The following CCSER2 variants were observed in gnomAD, a reference collection of about 807,000 sequenced individuals.
CCSER2 encodes the protein coiled-coil serine rich protein 2.
Under a neutral mutation model 92.3 loss-of-function variants are expected in CCSER2, and 46 were observed. The ratio of observed to expected loss-of-function variants is 0.50; its 90% CI spans 0.39 to 0.64. The LOEUF is 0.64. Ranked by LOEUF, CCSER2 falls within the 30% of genes least tolerant of loss-of-function variation. CCSER2 has a pLI of 0.00. For synonymous variants in CCSER2, 433 were observed against 431.4 expected (o/e 1.00, Z -0.04); for missense variants, 1,244 against 1,238.9 (o/e 1.00, Z -0.06).
intron 1 of CCSER2, among the ~76,000 whole-genome samples, chr10:84,345,909 G>A (rs905922342): frequency 1.3e-5 from 2 of 152,144 alleles, no homozygotes; most frequent in African/African-American, 2.4e-5. Flanking sequence ...TAGAAGTTAT[G>A]TCTCCTTTGC....
chr10:84,385,037 A>G (rs1841121598), intron 3 of CCSER2, among the ~76,000 whole-genome samples: 1 of 151,788 alleles, frequency 6.6e-6, no homozygotes, highest in Non-Finnish European at 1.5e-5. Flanking sequence ...ACACACACCC[A>G]GGAATACATT....
At chr10:84,340,187 C>G (rs1395853162) in intron 1 of CCSER2, among the ~76,000 whole-genome samples, 2 of 152,202 alleles carry the variant, frequency 1.3e-5, no homozygotes, top group Admixed American at 1.3e-4. Flanking sequence ...CCTCTTCTTC[C>G]AGGAAAGCTG....
At chr10:84,415,608 TG>T in intron 3 of CCSER2, among the ~76,000 whole-genome samples, 1 of 152,308 alleles carries the variant, frequency 6.6e-6, no homozygotes, top group South Asian at 2.1e-4. Context: ...GAGACCCTGT[TG>T]GGTGATCTCA....
intron 6 of CCSER2, among the ~76,000 whole-genome samples, chr10:84,459,283 T>C (rs1457283595): frequency 6.6e-6 from 1 of 152,118 alleles, no homozygotes; most frequent in Non-Finnish European, 1.5e-5. Flanking sequence ...TCTAGTACTT[T>C]TATTATAGAT....
At chr10:84,484,379 C>A (rs2133772722) in intron 9 of CCSER2, among the ~76,000 whole-genome samples, 1 of 152,190 alleles carries the variant, frequency 6.6e-6, no homozygotes, top group Admixed American at 6.5e-5. Flanking sequence ...TCCCAAAGTG[C>A]TGGGACCACA....
At chr10:84,455,272 TTTTTCTTTTTC>T (rs368935529) in intron 6 of CCSER2, 19,955 of 141,622 alleles carry the variant, frequency 0.14, 1,279 homozygotes, top group Admixed American at 0.23. Context: ...TTTCTTTTTC[TTTTTCTTTTTC>T]TTTTTTTTTT....
At chr10:84,391,869 T>A in intron 3 of CCSER2, 1 of 1,460,200 alleles carries the variant, frequency 6.8e-7, no homozygotes, top group Non-Finnish European at 9.6e-7. Context: ...TCCAAGATTT[T>A]ATATTTTTTT....
chr10:84,367,476 A>G (rs539243923), intron 1 of CCSER2, among the ~76,000 whole-genome samples: 4 of 151,764 alleles, frequency 2.6e-5, no homozygotes, highest in South Asian at 2.1e-4. Flanking sequence ...TCGTGGGCTC[A>G]GTTGATCTTC....
At chr10:84,476,182 A>C (rs1299207558) in intron 8 of CCSER2, among the ~76,000 whole-genome samples, 2 of 152,304 alleles carry the variant, frequency 1.3e-5, no homozygotes, top group Non-Finnish European at 2.9e-5. Flanking sequence ...TAGGAATGGG[A>C]AATATGTCTC....
At chr10:84,475,651 A>G (rs78251626) in intron 8 of CCSER2, among the ~76,000 whole-genome samples, 8,857 of 152,276 alleles carry the variant, frequency 0.058, 367 homozygotes, top group Admixed American at 0.1. Context: ...GTGTGACCCC[A>G]TTATAAATCA....
At chr10:84,363,749 G>A (rs1170510769) in intron 1 of CCSER2, among the ~76,000 whole-genome samples, 2 of 152,110 alleles carry the variant, frequency 1.3e-5, no homozygotes, top group African/African-American at 4.8e-5. Flanking sequence ...TCTGACATTA[G>A]CCATTCAGTC....
At chr10:84,352,018 A>G (rs1317307322) in intron 1 of CCSER2, among the ~76,000 whole-genome samples, 1 of 152,168 alleles carries the variant, frequency 6.6e-6, no homozygotes, top group Non-Finnish European at 1.5e-5. Flanking sequence ...GGTGACTTGT[A>G]GGCTGGCCGC....
chr10:84,331,114 T>A (rs184700458), intron 1 of CCSER2, among the ~76,000 whole-genome samples: 49 of 152,350 alleles, frequency 3.2e-4, no homozygotes, highest in African/African-American at 1.1e-3. Context: ...GGTTCAACTT[T>A]AAAAATTTTA....
intron 3 of CCSER2, chr10:84,393,802 TC>T (rs1439060243): frequency 2.6e-5 from 4 of 152,332 alleles, no homozygotes; most frequent in Non-Finnish European, 4.4e-5. Flanking sequence ...TTCTAAGGTA[TC>T]ACGTGTCATA....
intron 8 of CCSER2, among the ~76,000 whole-genome samples, chr10:84,471,725 A>G (rs1208202320): frequency 6.6e-6 from 1 of 152,184 alleles, no homozygotes; most frequent in Non-Finnish European, 1.5e-5. Context: ...GAGAAAACTT[A>G]CTGCCCATTT....
chr10:84,484,358 C>G (rs1847673301), intron 9 of CCSER2, among the ~76,000 whole-genome samples: 2 of 152,026 alleles, frequency 1.3e-5, no homozygotes, highest in South Asian at 4.1e-4. Flanking sequence ...GGTGATCTGT[C>G]CGCCTCGGCC....
At chr10:84,329,298 A>G (rs1843430445) in intron 1 of CCSER2, among the ~76,000 whole-genome samples, 1 of 152,226 alleles carries the variant, frequency 6.6e-6, no homozygotes, top group Admixed American at 6.5e-5. Context: ...TTGTCTTTAG[A>G]CATGTATTTT....
chr10:84,438,543 C>A lies in CCSER2; in HGVS notation c.1900C>A (p.His634Asn). 1 of 1,612,004 alleles carries A rather than the reference C, an allele frequency of 6.2e-7. No homozygotes were observed. The highest frequency in any genetic ancestry group is 8.5e-7 in the Non-Finnish European group (1 of 1,178,922). Reference sequence around the variant, plus strand: ...TCCCTATAGAGAATCTCCTTTGGGTCATTTTGAAAGCTATGGAGGGATGCC... The same window carrying A: ...TCCCTATAGAGAATCTCCTTTGGGTAATTTTGAAAGCTATGGAGGGATGCC... Reference protein sequence around the residue: ...GSPYRESPLGHFESYGGMPFF... With the variant: ...GSPYRESPLGNFESYGGMPFF... Residue 634 changes from histidine to asparagine, a missense_variant, in exon 6 of 10, where the codon CAT becomes AAT. By Grantham distance (68) the His-to-Asn change is moderately conservative (BLOSUM62 1). Coordinates refer to ENST00000372088, the MANE Select transcript of CCSER2 (RefSeq NM_001284240.2).
chr10:84,433,771 T>C (rs1843931337), intron 5 of CCSER2, among the ~76,000 whole-genome samples: 1 of 152,224 alleles, frequency 6.6e-6, no homozygotes, highest in Non-Finnish European at 1.5e-5. Context: ...CTAGTTTGCA[T>C]CTTTTTTTTT....
Sources: gnomAD v4.1 joint callset for allele counts (sites outside exome capture counted in the v4.1 genomes callset) on GRCh38, gnomAD v4.1.1 for gene constraint, MANE v1.5 for transcripts, NCBI Gene and HGNC (gene_info 2026-07-23, HGNC 2026-07-21) for gene names.